The following ATXN3 variants were observed in gnomAD, a reference collection of about 807,000 sequenced individuals.
ATXN3 encodes ataxin-3.
In ATXN3, 28 loss-of-function variants were observed where a neutral mutation model predicts 58.2. The observed-to-expected ratio is 0.48, with a 90% CI of 0.36 to 0.66. The LOEUF is 0.66. Among genes scored for constraint, ATXN3 ranks in the 30% least tolerant of loss-of-function variants. The probability of loss-of-function intolerance (pLI) is 0.00; values close to 1 mark genes in which losing one functional copy is unlikely to be tolerated. For synonymous variants in ATXN3, 113 were observed against 138.5 expected (o/e 0.82, Z 1.29); for missense variants, 321 against 422.1 (o/e 0.76, Z 2.10).
intron 6 of ATXN3, among the ~76,000 whole-genome samples, chr14:92,085,628 A>G (rs995101216): frequency 6.6e-6 from 1 of 152,208 alleles, no homozygotes; most frequent in Non-Finnish European, 1.5e-5. Flanking sequence ...CCAGAGTACA[A>G]GAGTCACCCT....
At chr14:92,095,649 T>G (rs2065034440) in intron 3 of ATXN3, among the ~76,000 whole-genome samples, 1 of 151,948 alleles carries the variant, frequency 6.6e-6, no homozygotes. Flanking sequence ...TTCATGTTTA[T>G]CTATATAAAA....
At chr14:92,078,057 C>T (rs972022997) in intron 9 of ATXN3, among the ~76,000 whole-genome samples, 1 of 136,142 alleles carries the variant, frequency 7.3e-6, no homozygotes, top group African/African-American at 2.9e-5. Flanking sequence ...TCACTGCAAC[C>T]TCTACCTCCT....
chr14:92,064,799 T>C (rs1159623121), intron 10 of ATXN3, among the ~76,000 whole-genome samples: 1 of 152,230 alleles, frequency 6.6e-6, no homozygotes. Flanking sequence ...AGATTTGTTG[T>C]GTATATCAAC....
intron 2 of ATXN3, among the ~76,000 whole-genome samples, chr14:92,046,857 T>C (rs191900350): frequency 1.6e-3 from 241 of 152,272 alleles, no homozygotes; most frequent in African/African-American, 5.6e-3. Context: ...AGAATTATAC[T>C]GAGGTAGGTA....
chr14:92,076,527 G>T lies in ATXN3; in HGVS notation c.872+4438C>A, dbSNP rs2060414616. Among the ~76,000 whole-genome samples, 5 of 148,906 alleles carry T rather than the reference G, an allele frequency of 3.4e-5. No individual in the cohort carries two copies. The Admixed American group carries it at 3.4e-4, about 10-fold the overall frequency. On this transcript the variant is annotated intron_variant, in intron 9 of 10. Transcript: ENST00000644486. Reference sequence around the variant, plus strand: ...TAATCCAGTTTTTAAAAAATTTTAAGTAAAAGAGCAGTTTATTTTTATGCT... The same window carrying T: ...TAATCCAGTTTTTAAAAAATTTTAATTAAAAGAGCAGTTTATTTTTATGCT...
rs55966267 is a variant in ATXN3, at chr14:92,063,214, T to C, written c.*1106A>G. 2,875 of 152,748 alleles carry C rather than the reference T, an allele frequency of 0.019. 53 individuals carry two copies. The highest frequency in any genetic ancestry group is 0.081 in the South Asian group (389 of 4,830). The allele number at this position is 152,748 out of a possible 1,614,324, so 9.5% of individuals were successfully genotyped here. ...ATTTAAACATATTTTCATTAGTAAA[T>C]TATTTTCATGTTCCAGATCACCATC... On this transcript the variant is annotated 3_prime_UTR_variant, in exon 11 of 11. Transcript: ENST00000644486.
chr14:92,076,052 G>T (rs1217858044), intron 9 of ATXN3, among the ~76,000 whole-genome samples: 1 of 152,150 alleles, frequency 6.6e-6, no homozygotes, highest in Non-Finnish European at 1.5e-5. Flanking sequence ...GTACAAGGTT[G>T]CCTGACCCTG....
At chr14:92,049,639 TGGTCTGAGGACCC>T (rs2057441124) in exon 1 of ATXN3, 1 of 184,682 alleles carries the variant, frequency 5.4e-6, no homozygotes, top group Admixed American at 6.3e-5. Flanking sequence ...TTGGGCTGGT[TGGTCTGAGGACCC>T]GAGGTCGTAG....
intron 5 of ATXN3, among the ~76,000 whole-genome samples, chr14:92,092,950 A>T (rs1483905399): frequency 6.6e-6 from 1 of 151,080 alleles, no homozygotes; most frequent in Non-Finnish European, 1.5e-5. Flanking sequence ...GCAGCCTCAA[A>T]CTCCTGAGCT....
At chr14:92,086,494 G>A (rs1208409644) in intron 6 of ATXN3, among the ~76,000 whole-genome samples, 6 of 151,306 alleles carry the variant, frequency 4.0e-5, no homozygotes, top group African/African-American at 1.2e-4. Flanking sequence ...GAACCCAGGA[G>A]GCAGAAGTTA....
downstream of ATXN3, among the ~76,000 whole-genome samples, chr14:92,057,356 C>T (rs1448298902): frequency 4.0e-5 from 6 of 150,352 alleles, no homozygotes; most frequent in African/African-American, 1.5e-4. Context: ...GCAGAGGTTG[C>T]AGTGAGCTAT....
chr14:92,103,389 C>G (rs2067321563), intron 1 of ATXN3, among the ~76,000 whole-genome samples: 1 of 152,156 alleles, frequency 6.6e-6, no homozygotes, highest in Admixed American at 6.5e-5. Context: ...TAAACAGCAC[C>G]ATATATATCT....
At chr14:92,069,221 C>T (rs904759377) in intron 10 of ATXN3, among the ~76,000 whole-genome samples, 5 of 148,310 alleles carry the variant, frequency 3.4e-5, no homozygotes, top group African/African-American at 1.0e-4. Flanking sequence ...CAGGTGCCCA[C>T]CACCATGCCC....
chr14:92,095,956 C>A, intron 3 of ATXN3, 137 bp downstream of exon 3: 1 of 715,306 alleles, frequency 1.4e-6, no homozygotes, highest in Non-Finnish European at 2.4e-6. Flanking sequence ...AAAAAAAAAT[C>A]TAGTACTCTA....
chr14:92,070,734 C>G, intron 10 of ATXN3: 1 of 1,333,258 alleles, frequency 7.5e-7, no homozygotes, highest in Non-Finnish European at 9.9e-7. Flanking sequence ...ATGTGAGCCA[C>G]CACATCTAGC....
At chr14:92,088,096 T>C (rs188761840) in intron 6 of ATXN3, among the ~76,000 whole-genome samples, 11 of 150,490 alleles carry the variant, frequency 7.3e-5, no homozygotes, top group Admixed American at 1.3e-4. Context: ...TGAGACGGAG[T>C]CTCGCTCTGT....
intron 1 of ATXN3, 69 bp downstream of exon 1, chr14:92,106,460 G>A (rs2068440001): frequency 6.2e-7 from 1 of 1,602,686 alleles, no homozygotes; most frequent in African/African-American, 1.3e-5. Context: ...CCCTCCGAGA[G>A]GCGGTGATGC....
chr14:92,065,260 C>T (rs1249698336), intron 10 of ATXN3, among the ~76,000 whole-genome samples: 1 of 152,182 alleles, frequency 6.6e-6, no homozygotes, highest in Non-Finnish European at 1.5e-5. Context: ...CCCTGAGATC[C>T]AGCCACGGTG....
upstream of ATXN3, among the ~76,000 whole-genome samples, chr14:92,051,477 G>T (rs1474591797): frequency 6.6e-6 from 1 of 151,894 alleles, no homozygotes; most frequent in East Asian, 1.9e-4. Flanking sequence ...TATTCTCTAT[G>T]CCTTGTTTTC....
Sources: allele counts gnomAD v4.1 joint callset (sites outside exome capture counted in the v4.1 genomes callset), GRCh38; gene constraint gnomAD v4.1.1; transcripts MANE v1.5; gene names NCBI Gene and HGNC (gene_info 2026-07-23, HGNC 2026-07-21).